The following LRRC49 variants were observed in gnomAD, a reference collection of about 807,000 sequenced individuals.
The protein encoded by LRRC49 is leucine rich repeat containing 49, also known as leucine-rich repeat-containing protein 49.
LRRC49 carries 50 observed loss-of-function variants against 83.3 expected under a neutral mutation model. The ratio of observed to expected loss-of-function variants is 0.60; its 90% confidence interval spans 0.48 to 0.76. LRRC49 has a LOEUF of 0.76. Ranked by LOEUF, LRRC49 falls within the 30% of genes least tolerant of loss-of-function variation. LRRC49 has a pLI of 0.00. For missense variants in LRRC49, 704 were observed against 809.1 expected (o/e 0.87, Z 1.58); for synonymous variants, 286 against 283.3 (o/e 1.01, Z -0.10).
intron 14 of LRRC49, among the ~76,000 whole-genome samples, chr15:71,034,505 C>T (rs778626809): frequency 2.0e-5 from 3 of 152,244 alleles, no homozygotes; most frequent in Admixed American, 6.5e-5. Context: ...ACCAGAAATA[C>T]GATTTGACCC....
chr15:70,965,977 A>G (rs1049359803), intron 9 of LRRC49, among the ~76,000 whole-genome samples: 1 of 152,076 alleles, frequency 6.6e-6, no homozygotes, highest in Non-Finnish European at 1.5e-5. Flanking sequence ...ATAAAGTTGT[A>G]TTGGAACACA....
intron 8 of LRRC49, among the ~76,000 whole-genome samples, chr15:70,956,953 C>A (rs1348436887): frequency 6.6e-6 from 1 of 152,154 alleles, no homozygotes; most frequent in African/African-American, 2.4e-5. Flanking sequence ...CCTGATGCCA[C>A]TTTTTTGTTG....
chr15:70,893,116 A>G lies in LRRC49; in HGVS notation c.48+174A>G, dbSNP rs3809560. On this transcript the variant is annotated intron_variant, in intron 1 of 15. Coordinates refer to ENST00000260382, the MANE Select transcript of LRRC49 (RefSeq NM_017691.5). ...GGACCAAGGCACAATTTAATATTGT[A>G]TGATGGGTACTCAAAGTCTTGTCCA... 695 of 690,240 alleles carry G rather than the reference A, an allele frequency of 1.0e-3. 3 individuals are homozygous for G. Among genetic ancestry groups the G allele is most frequent in the East Asian group, 9.6e-3 (358 of 37,358 alleles). The allele number at this position is 690,240 out of a possible 1,614,324, so 42.8% of individuals were successfully genotyped here. A position where few individuals can be genotyped will look rare whatever the true frequency, so the allele number is the denominator to read the frequency against.
At chr15:70,929,641 C>A (rs756260953) in intron 7 of LRRC49, among the ~76,000 whole-genome samples, 9 of 152,200 alleles carry the variant, frequency 5.9e-5, no homozygotes, top group Admixed American at 1.3e-4. Context: ...TGTTTGATAG[C>A]ATTTTACTTA....
intron 11 of LRRC49, among the ~76,000 whole-genome samples, chr15:71,007,332 C>T (rs923022763): frequency 2.6e-5 from 4 of 151,784 alleles, no homozygotes; most frequent in African/African-American, 9.7e-5. Context: ...AATCTTTAGC[C>T]TCACTCACTA....
upstream of LRRC49, chr15:70,891,974 C>G (rs945116988): frequency 1.4e-5 from 23 of 1,613,444 alleles, no homozygotes; most frequent in Non-Finnish European, 1.9e-5. Context: ...TCCCTCCTCT[C>G]CCCTCTTAGG....
intron 3 of LRRC49, among the ~76,000 whole-genome samples, chr15:70,896,535 A>G (rs913341549): frequency 1.3e-5 from 2 of 152,188 alleles, no homozygotes; most frequent in Admixed American, 1.3e-4. Flanking sequence ...ATCCTTTGAC[A>G]AATACTGCCT....
In LRRC49 at chr15:71,049,563, A is replaced by AAATTCGCAATAT; in HGVS notation, c.2014_2015insTTCGCAATATAA (p.Lys671_Asn672insIleArgAsnIle). Reference sequence around the variant, plus strand: ...GATGCAGTCATAGAAATTCGCAATAAAAATTCCTATATGAAGCTCTGCCTA... The same window carrying AAATTCGCAATAT: ...GATGCAGTCATAGAAATTCGCAATAAAATTCGCAATATAAATTCCTATATGAAGCTCTGCCTA... On this transcript the variant is annotated inframe_insertion, in exon 16 of 16. Coordinates refer to ENST00000260382, the MANE Select transcript of LRRC49 (RefSeq NM_017691.5). The AAATTCGCAATAT allele has an allele frequency of 1.9e-6, 3 of 1,614,086 alleles. No individual in the cohort carries two copies. The highest frequency in any genetic ancestry group is 2.5e-6 in the Non-Finnish European group (3 of 1,179,942).
chr15:70,984,108 A>G lies in LRRC49; in HGVS notation c.1020A>G (p.Leu340=), dbSNP rs1413811642. 6.2e-7 allele frequency: 1 copy of G among 1,611,996 alleles called. No homozygotes were observed. The highest frequency in any genetic ancestry group is 8.5e-7 in the Non-Finnish European group (1 of 1,179,266). The change falls in exon 11 of 16, where the codon TTA becomes TTG. Residue 340 remains leucine (L), a synonymous_variant. Transcript: ENST00000260382. The part of the protein sequence containing the change: ...KQSLLKEKKR[L]TINNVARQWD... ...CTTTTTCATAGGAGAAGAAAAGGTTAACAATTAACAACGTAGCTCGACAGT... is the reference window on the plus strand; with the variant it reads ...CTTTTTCATAGGAGAAGAAAAGGTTGACAATTAACAACGTAGCTCGACAGT...
intron 14 of LRRC49, among the ~76,000 whole-genome samples, chr15:71,034,238 CTT>C (rs2039449078): frequency 6.6e-6 from 1 of 152,138 alleles, no homozygotes; most frequent in African/African-American, 2.4e-5. Flanking sequence ...TGAGCAGACA[CTT>C]CTCAAAAGAA....
In LRRC49 at chr15:71,052,212, G is replaced by C. The variant is rs1185639554; in HGVS notation, c.*2600G>C. The C allele has an allele frequency of 1.3e-5, 2 of 152,224 alleles. No individual in the cohort carries two copies. Among genetic ancestry groups the C allele is most frequent in the African/African-American group, 2.4e-5 (1 of 41,444 alleles). 9.4% of individuals were successfully genotyped at this position (152,224 alleles called of 1,614,324 possible). On this transcript the variant is annotated 3_prime_UTR_variant, in exon 16 of 16. Coordinates refer to ENST00000260382, the MANE Select transcript of LRRC49 (RefSeq NM_017691.5). Reference sequence around the variant, plus strand: ...TTCCAGGGTTTTCAGGGAAGGGGAAGAGATGCAAATCCCATAGTCTGAGAC... The same window carrying C: ...TTCCAGGGTTTTCAGGGAAGGGGAACAGATGCAAATCCCATAGTCTGAGAC...
chr15:70,961,927 A>G (rs1165917906), intron 8 of LRRC49, among the ~76,000 whole-genome samples: 6 of 152,350 alleles, frequency 3.9e-5, no homozygotes, highest in Non-Finnish European at 7.3e-5. Context: ...GATCTCAGAA[A>G]GGAATGCAGA....
At chr15:70,928,053 A>C (rs1231251397) in intron 7 of LRRC49, among the ~76,000 whole-genome samples, 1 of 152,204 alleles carries the variant, frequency 6.6e-6, no homozygotes, top group African/African-American at 2.4e-5. Flanking sequence ...TTTATTTAAA[A>C]AACTTGCTTT....
At chr15:70,948,668 G>A (rs944427824) in intron 8 of LRRC49, among the ~76,000 whole-genome samples, 4 of 151,976 alleles carry the variant, frequency 2.6e-5, no homozygotes, top group Non-Finnish European at 5.9e-5. Flanking sequence ...AGATGTTCCA[G>A]GCTCATCTTA....
intron 14 of LRRC49, 105 bp from the exon 15 acceptor site, chr15:71,037,074 T>A (rs926541282): frequency 6.7e-6 from 5 of 751,304 alleles, no homozygotes; most frequent in African/African-American, 3.6e-5. Context: ...CATTAAAATA[T>A]ATATTCAAAA....
intron 11 of LRRC49, among the ~76,000 whole-genome samples, chr15:70,984,971 A>G (rs1349106442): frequency 6.9e-6 from 1 of 144,420 alleles, no homozygotes; most frequent in Non-Finnish European, 1.5e-5. Flanking sequence ...ATCATTTTTT[A>G]TGGCTGCATA....
chr15:70,875,517 G>A (rs1327771138), intron 2 of LRRC49, among the ~76,000 whole-genome samples: 1 of 152,196 alleles, frequency 6.6e-6, no homozygotes, highest in Non-Finnish European at 1.5e-5. Context: ...AAAAGGCAAA[G>A]TAACCTGCCT....
At chr15:70,955,409 A>G (rs1294104383) in intron 8 of LRRC49, among the ~76,000 whole-genome samples, 1 of 152,108 alleles carries the variant, frequency 6.6e-6, no homozygotes, top group Non-Finnish European at 1.5e-5. Context: ...AGAATTTTCT[A>G]CCCTTTCTAG....
At chr15:70,993,910 T>C (rs1040443471) in intron 11 of LRRC49, among the ~76,000 whole-genome samples, 3 of 152,192 alleles carry the variant, frequency 2.0e-5, no homozygotes, top group South Asian at 2.1e-4. Flanking sequence ...AGTGGTGCGA[T>C]GTTGGCTCAC....
Sources: gnomAD v4.1 joint callset for allele counts (sites outside exome capture counted in the v4.1 genomes callset) on GRCh38, gnomAD v4.1.1 for gene constraint, MANE v1.5 for transcripts, NCBI Gene and HGNC (gene_info 2026-07-23, HGNC 2026-07-21) for gene names.